ADCY5: variants seen among roughly 807,000 people sequenced by gnomAD.
ADCY5 encodes the protein adenylate cyclase type 5.
Under a neutral mutation model 119.7 loss-of-function variants are expected in ADCY5, and 30 were observed. The observed-to-expected ratio is 0.25, with a 90% CI of 0.19 to 0.34. The LOEUF is 0.34. Ranked by LOEUF, ADCY5 falls within the 10% of genes least tolerant of loss-of-function variation. The pLI, the probability that ADCY5 is intolerant of heterozygous loss-of-function variation, is 1.00. For synonymous variants in ADCY5, 753 were observed against 762.2 expected (o/e 0.99, Z 0.20); for missense variants, 1,324 against 1,775.2 (o/e 0.75, Z 4.57).
chr3:123,345,150 G>T (rs6794611), intron 3 of ADCY5, among the ~76,000 whole-genome samples: 43 of 152,332 alleles, frequency 2.8e-4, no homozygotes, highest in African/African-American at 1.0e-3. Flanking sequence ...CGTAGAAGAG[G>T]CCTGAGTCAG....
At position 123,300,370 on chromosome 3, in the gene ADCY5, G is replaced by A; in HGVS notation, c.2725-75C>T. The A allele has an allele frequency of 2.0e-6, 3 of 1,508,316 alleles. No individual in the cohort carries two copies. The African/African-American group carries it at 4.1e-5, about 21-fold the overall frequency. 93.4% of individuals were successfully genotyped at this position (1,508,316 alleles called of 1,614,324 possible). ...GGGCCCTGGCCCCATGCATCCTCCA[G>A]TCTGAGCTGGCTCAAGTGAGGCCTG... On this transcript the variant is annotated intron_variant, in intron 14 of 20. Transcript: ENST00000462833.
rs753590513 is a variant in ADCY5 at position 123,447,945 on chromosome 3, C to A, written c.601G>T (p.Ala201Ser). The change falls in exon 1 of 21, where the codon GCG becomes TCG. Residue 201 changes from alanine to serine, a missense_variant. By Grantham distance (99) the Ala-to-Ser change is moderately conservative (BLOSUM62 1). Around this residue, in one of 6 missense-constraint regions of ADCY5, gnomAD observed 585 missense variants for 569.9 expected, o/e 1.03. Coordinates refer to ENST00000462833, the MANE Select transcript of ADCY5 (RefSeq NM_183357.3). ...ADSGSGAGPG[A>S]VLSLGACCLA... ...CAGCAGGCGCCCAGGGACAGCACCG[C>A]GCCGGGCCCCGCGCCCGAGCCCGAG... 1.3e-6 allele frequency: 2 copies of A among 1,541,932 alleles called. No individual in the cohort carries two copies. Among genetic ancestry groups the A allele is most frequent in the South Asian group, 2.4e-5 (2 of 82,534 alleles).
At chr3:123,423,996 T>C (rs145044932) in intron 1 of ADCY5, among the ~76,000 whole-genome samples, 217 of 152,308 alleles carry the variant, frequency 1.4e-3, no homozygotes, top group Non-Finnish European at 2.7e-3. Flanking sequence ...GTCCTCCCTG[T>C]GGTTCCATGC....
chr3:123,328,597 G>A, intron 6 of ADCY5, 47 bp downstream of exon 6: 1 of 1,602,862 alleles, frequency 6.2e-7, no homozygotes. Context: ...GTGGGCTTGA[G>A]TGGGAACCCA....
At chr3:123,302,871 G>A (rs1939925216) in intron 14 of ADCY5, among the ~76,000 whole-genome samples, 184 bp downstream of exon 14, 1 of 152,194 alleles carries the variant, frequency 6.6e-6, no homozygotes, top group South Asian at 2.1e-4. Context: ...TATGGAGGAG[G>A]CTCCCCTTGT....
chr3:123,352,129 A>C lies in ADCY5; in HGVS notation c.1284+303T>G, dbSNP rs1942857263. Among the ~76,000 whole-genome samples, 1 of 151,678 alleles carries C rather than the reference A, an allele frequency of 6.6e-6. No homozygotes were observed. The highest frequency in any genetic ancestry group is 1.5e-5 in the Non-Finnish European group (1 of 67,900). On this transcript the variant is annotated intron_variant, in intron 2 of 20. Coordinates refer to ENST00000462833, the MANE Select transcript of ADCY5 (RefSeq NM_183357.3). This position sits in a 1 kb window ranked among gnomAD's most constrained non-coding sequence, Gnocchi z 4.8. ...GGAGTGGTGAGCAGTGTGGGGAAGG[A>C]GTGGGGGCCGTGTGGGGAGGGAGAG...
At chr3:123,438,958 C>T (rs1945673285) in intron 1 of ADCY5, among the ~76,000 whole-genome samples, 1 of 151,924 alleles carries the variant, frequency 6.6e-6, no homozygotes, top group South Asian at 2.1e-4. Context: ...CACTATTTTG[C>T]CCAGGCTGGT....
intron 10 of ADCY5, 112 bp downstream of exon 10, chr3:123,319,562 G>C (rs1941103851): frequency 7.4e-7 from 1 of 1,348,440 alleles, no homozygotes; most frequent in Admixed American, 2.2e-5. Context: ...GGGAAACTGA[G>C]GCCACCCCTT....
At chr3:123,327,788 A>G (rs1941567553) in intron 6 of ADCY5, 29 bp from the exon 7 acceptor site, 2 of 1,611,150 alleles carry the variant, frequency 1.2e-6, no homozygotes, top group African/African-American at 2.7e-5. Flanking sequence ...CAGGGTGGAG[A>G]GGGCAGAAAA....
chr3:123,297,108 G>A, intron 16 of ADCY5: 1 of 1,484,406 alleles, frequency 6.7e-7, no homozygotes, highest in Non-Finnish European at 9.1e-7. Context: ...GGGATGATCT[G>A]AAGCCGGTGA....
chr3:123,397,297 A>C (rs1401098548), intron 1 of ADCY5, among the ~76,000 whole-genome samples: 1 of 152,140 alleles, frequency 6.6e-6, no homozygotes, highest in African/African-American at 2.4e-5. Flanking sequence ...GCCTGTGCTC[A>C]AAGACTGCCA....
At position 123,300,168 on chromosome 3, in the gene ADCY5, C is replaced by A; in HGVS notation, c.2852G>T (p.Gly951Val). 1.9e-6 allele frequency: 3 copies of A among 1,613,898 alleles called. No homozygotes were observed. The highest frequency in any genetic ancestry group is 2.5e-6 in the Non-Finnish European group (3 of 1,180,036). ...LIYVLIVEVP[G>V]VTLFDNADLL... ...GTCGGCGTTGTCGAAGAGCGTGACACCTGGCACCTCCACGATGAGCACGTA... is the reference window on the plus strand; with the variant it reads ...GTCGGCGTTGTCGAAGAGCGTGACAACTGGCACCTCCACGATGAGCACGTA... Residue 951 changes from glycine to valine, a missense_variant, in exon 15 of 21, where the codon GGT becomes GTT. This residue lies in a region of ADCY5 where 424 missense variants were observed against 546.8 expected (regional missense o/e 0.78). Transcript: ENST00000462833.
rs368363111 is a variant in ADCY5, at chr3:123,447,962, G to A, written c.584C>T (p.Ser195Leu). ...CAGCACCGCGCCGGGCCCCGCGCCC[G>A]AGCCCGAGTCCGCCGAGCTGCCGCC... ...GDGGSSADSG[S>L]GAGPGAVLSL... The change falls in exon 1 of 21, where the codon TCG becomes TTG. Residue 195 changes from serine (S) to leucine (L), a missense_variant. Ser to Leu is a moderately radical substitution (Grantham distance 145). This residue lies in a region of ADCY5 where 585 missense variants were observed against 569.9 expected (regional missense o/e 1.03). Coordinates refer to ENST00000462833, the MANE Select transcript of ADCY5 (RefSeq NM_183357.3). The A allele has an allele frequency of 6.7e-6, 10 of 1,485,190 alleles. No homozygotes were observed. The highest frequency in any genetic ancestry group is 4.3e-5 in the African/African-American group (3 of 69,748). The allele number at this position is 1,485,190 out of a possible 1,614,324, so 92.0% of individuals were successfully genotyped here.
chr3:123,405,630 T>C (rs946111262), intron 1 of ADCY5, among the ~76,000 whole-genome samples: 3 of 152,152 alleles, frequency 2.0e-5, no homozygotes, highest in African/African-American at 7.2e-5. Flanking sequence ...TTTTACTCCA[T>C]TTTATTTTAT....
intron 12 of ADCY5, among the ~76,000 whole-genome samples, chr3:123,309,983 G>A (rs1399484955): frequency 6.6e-6 from 1 of 152,040 alleles, no homozygotes; most frequent in Non-Finnish European, 1.5e-5. Flanking sequence ...GAGCAGACAG[G>A]GCCCACAGGA....
chr3:123,380,489 G>C (rs1352335751), intron 1 of ADCY5, among the ~76,000 whole-genome samples: 1 of 152,218 alleles, frequency 6.6e-6, no homozygotes, highest in Non-Finnish European at 1.5e-5. Context: ...GGCACTGTTG[G>C]CTTCCTCTTC....
At chr3:123,370,823 G>A (rs11923649) in intron 1 of ADCY5, among the ~76,000 whole-genome samples, 64,765 of 148,300 alleles carry the variant, frequency 0.44, 15,678 homozygotes, top group East Asian at 0.7. Flanking sequence ...TGCCCTCTCC[G>A]TTCCTCCCCC....
At chr3:123,429,726 A>T (rs577242775) in intron 1 of ADCY5, among the ~76,000 whole-genome samples, 10 of 152,286 alleles carry the variant, frequency 6.6e-5, no homozygotes, top group Non-Finnish European at 1.0e-4. Context: ...GCAGGTGGAG[A>T]GCATGGGCTG....
At chr3:123,330,734 C>T (rs1484817492) in intron 5 of ADCY5, among the ~76,000 whole-genome samples, 155 bp downstream of exon 5, 1 of 152,242 alleles carries the variant, frequency 6.6e-6, no homozygotes. Context: ...AGTCTGGTGG[C>T]ACACGCCAAC....
Sources: allele counts gnomAD v4.1 joint callset (sites outside exome capture counted in the v4.1 genomes callset), GRCh38; gene constraint gnomAD v4.1.1; regional missense constraint gnomAD v4.1.1; non-coding constraint Gnocchi (gnomAD v3.1); transcripts MANE v1.5; gene names NCBI Gene and HGNC (gene_info 2026-07-23, HGNC 2026-07-21).